Variants in ANKRD13D observed in about 807,000 individuals in gnomAD.
The protein encoded by ANKRD13D is ankyrin repeat domain-containing protein 13D.
ANKRD13D carries 24 observed loss-of-function variants against 68.8 expected under a neutral mutation model. That is an observed-to-expected ratio of 0.35 (90% confidence interval 0.25 to 0.49). ANKRD13D has a LOEUF of 0.49. Ranked by LOEUF, ANKRD13D falls within the 20% of genes least tolerant of loss-of-function variation. ANKRD13D has a pLI of 0.99. For synonymous variants in ANKRD13D, 331 were observed against 336.1 expected (o/e 0.98, Z 0.16); for missense variants, 735 against 832.1 (o/e 0.88, Z 1.44).
rs774356353 is a variant in ANKRD13D at position 67,291,730 on chromosome 11, C to G, written c.525C>G (p.Phe175Leu). Residue 175 changes from phenylalanine (F) to leucine (L), a missense_variant, in exon 5 of 15, where the codon TTC becomes TTG. Transcript: ENST00000511455. ...HMTWQRGRRS[F>L]IFKGQEAGAL... ...CCTGGCAGCGGGGCCGGAGGAGCTTCATCTTCAAGGGCCAGGGTGAGCTCT... is the reference window on the plus strand; with the variant it reads ...CCTGGCAGCGGGGCCGGAGGAGCTTGATCTTCAAGGGCCAGGGTGAGCTCT... 3.1e-6 allele frequency: 5 copies of G among 1,614,018 alleles called. No individual in the cohort carries two copies. Among genetic ancestry groups the G allele is most frequent in the Non-Finnish European group, 3.4e-6 (4 of 1,180,040 alleles).
At chr11:67,297,958 A>C (rs954055332) in intron 6 of ANKRD13D, 2 of 151,710 alleles carry the variant, frequency 1.3e-5, no homozygotes, top group African/African-American at 4.9e-5. Flanking sequence ...TGAATTTCCA[A>C]AGTTTTTTTT....
chr11:67,301,931 C>A lies in ANKRD13D; in HGVS notation c.1604+108C>A. 7.3e-7 allele frequency: 1 copy of A among 1,367,834 alleles called. No homozygotes were observed. The highest frequency in any genetic ancestry group is 9.8e-7 in the Non-Finnish European group (1 of 1,019,830). 84.7% of individuals were successfully genotyped at this position (1,367,834 alleles called of 1,614,324 possible). On this transcript the variant is annotated intron_variant, in intron 14 of 14. Transcript: ENST00000511455. The surrounding 1 kb of genome is among the most constrained non-coding windows in gnomAD (Gnocchi z 4.5). ...ACCCCAGGCCCTCTGCAAGGCCACC[C>A]TCTGTCAGCAGCGCTATCTGCCACC...
At chr11:67,298,628 T>G (rs939277608) in intron 6 of ANKRD13D, 1 of 173,614 alleles carries the variant, frequency 5.8e-6, no homozygotes, top group African/African-American at 2.4e-5. Context: ...AAAGAAGAGA[T>G]AATGTACTTA....
At chr11:67,293,218 T>G (rs763003043) in intron 6 of ANKRD13D, among the ~76,000 whole-genome samples, 1 of 152,228 alleles carries the variant, frequency 6.6e-6, no homozygotes, top group Non-Finnish European at 1.5e-5. Context: ...TAACTCATTG[T>G]TTAATTGACT....
chr11:67,299,462 G>A lies in ANKRD13D; in HGVS notation c.799-68G>A. On this transcript the variant is annotated intron_variant, in intron 7 of 14. Coordinates refer to ENST00000511455, the MANE Select transcript of ANKRD13D (RefSeq NM_207354.3). The surrounding 1 kb of genome is among the most constrained non-coding windows in gnomAD (Gnocchi z 6.2). ...TCTGGGACAGGAGGACCTGGGTTCT[G>A]CACTGGTGAGGCTGAGTGTGGGGAG... 3 of 1,335,032 alleles carry A rather than the reference G, an allele frequency of 2.2e-6. No homozygotes were observed. Among genetic ancestry groups the A allele is most frequent in the Non-Finnish European group, 3.1e-6 (3 of 957,690 alleles). The allele number at this position is 1,335,032 out of a possible 1,614,324, so 82.7% of individuals were successfully genotyped here. A position where few individuals can be genotyped will look rare whatever the true frequency, so the allele number is the denominator to read the frequency against.
intron 6 of ANKRD13D, chr11:67,297,881 T>A (rs933098451): frequency 6.6e-6 from 1 of 152,048 alleles, no homozygotes; most frequent in Non-Finnish European, 1.5e-5. Context: ...TTTTCTGATT[T>A]CTCTTTTGAT....
At chr11:67,292,565 C>T (rs1464573078) in intron 6 of ANKRD13D, among the ~76,000 whole-genome samples, 3 of 151,640 alleles carry the variant, frequency 2.0e-5, no homozygotes, top group Admixed American at 2.0e-4. Context: ...ACCCTTCCAG[C>T]AAGAGTTTCT....
chr11:67,299,415 G>A lies in ANKRD13D; in HGVS notation c.799-115G>A. Reference sequence around the variant, plus strand: ...CAGACCCTGCCACCTCCTCCATTTTGGGGAGCAAGATCTCATCTGTCTCTG... The same window carrying A: ...CAGACCCTGCCACCTCCTCCATTTTAGGGAGCAAGATCTCATCTGTCTCTG... On this transcript the variant is annotated intron_variant, in intron 7 of 14. Coordinates refer to ENST00000511455, the MANE Select transcript of ANKRD13D (RefSeq NM_207354.3). This position sits in a 1 kb window ranked among gnomAD's most constrained non-coding sequence, Gnocchi z 6.2. The A allele has an allele frequency of 1.2e-5, 11 of 921,170 alleles. No homozygotes were observed. The highest frequency in any genetic ancestry group is 1.8e-5 in the Non-Finnish European group (11 of 604,866). The allele number at this position is 921,170 out of a possible 1,614,324, so 57.1% of individuals were successfully genotyped here.
At chr11:67,294,566 A>T (rs1590868043) in intron 6 of ANKRD13D, among the ~76,000 whole-genome samples, 2 of 144,242 alleles carry the variant, frequency 1.4e-5, no homozygotes, top group African/African-American at 5.2e-5. Flanking sequence ...TTTGAGATGG[A>T]GTCTCACTCT....
chr11:67,295,254 A>G (rs1860716756), intron 6 of ANKRD13D, among the ~76,000 whole-genome samples: 1 of 152,038 alleles, frequency 6.6e-6, no homozygotes, highest in Non-Finnish European at 1.5e-5. Flanking sequence ...CATCTGTACT[A>G]AAAATACAAA....
intron 3 of ANKRD13D, chr11:67,290,728 G>A (rs1860500118): frequency 2.5e-6 from 1 of 406,628 alleles, no homozygotes. Flanking sequence ...TTGACTCGGT[G>A]GATTATGGCC....
At position 67,289,353 on chromosome 11, in the gene ANKRD13D, T is replaced by A. The variant is rs1590861307; in HGVS notation, c.-108T>A. ...CCGCCGCCGCCGCCGCCGCTACTGC[T>A]GCGGGGGCCGCGGGGGGCGCAGCTG... is the stretch of plus-strand genomic sequence containing the variant. On this transcript the variant is annotated 5_prime_UTR_variant, in exon 1 of 15. Coordinates refer to ENST00000511455, the MANE Select transcript of ANKRD13D (RefSeq NM_207354.3). The A allele has an allele frequency of 3.9e-6, 3 of 763,280 alleles. No individual in the cohort carries two copies. Among genetic ancestry groups the A allele is most frequent in the Non-Finnish European group, 5.0e-6 (3 of 605,672 alleles). 47.3% of individuals were successfully genotyped at this position (763,280 alleles called of 1,614,324 possible).
Position 67,302,315 on chromosome 11 carries a change from T to G in ANKRD13D, c.1801T>G (p.Ser601Ala), listed in dbSNP as rs760484836. The stretch of plus-strand genomic sequence containing the variant: ...GGACTTACAGCGGATCCTGCAGCTG[T>G]CACTCACTGAGCACTGAGCCATAGC... Reference protein sequence around the residue: ...EEDLQRILQLSLTEH With the variant: ...EEDLQRILQLALTEH Residue 601 changes from serine to alanine, a missense_variant, in exon 15 of 15, where the codon TCA (serine) becomes GCA (alanine). Transcript: ENST00000511455. 1 of 1,543,728 alleles carries G rather than the reference T, an allele frequency of 6.5e-7. No individual in the cohort carries two copies. Among genetic ancestry groups the G allele is most frequent in the Non-Finnish European group, 8.8e-7 (1 of 1,140,900 alleles).
Position 67,300,088 on chromosome 11 carries a change from T to C in ANKRD13D, c.1038T>C (p.Ile346=), listed in dbSNP as rs756117054. ...DPNFSLESRN[I]GRPIEMSSKV... is the part of the protein sequence containing the mutation. ...ACTTCAGCCTGGAGTCACGGAACAT[T>C]GGCCGCCCCATCGAGATGTCCAGCA... The change falls in exon 10 of 15, where the codon ATT becomes ATC. Residue 346 remains isoleucine, a synonymous_variant. Coordinates refer to ENST00000511455, the MANE Select transcript of ANKRD13D (RefSeq NM_207354.3). This position sits in a 1 kb window ranked among gnomAD's most constrained non-coding sequence, Gnocchi z 4.3. The C allele has an allele frequency of 6.2e-7, 1 of 1,614,076 alleles. No homozygotes were observed. The highest frequency in any genetic ancestry group is 8.5e-7 in the Non-Finnish European group (1 of 1,179,970).
intron 3 of ANKRD13D, 67 bp from the exon 4 acceptor site, chr11:67,291,409 G>C: frequency 6.5e-7 from 1 of 1,549,304 alleles, no homozygotes; most frequent in Non-Finnish European, 8.9e-7. Flanking sequence ...CTGTGGACAA[G>C]GGGCTCCCAG....
At chr11:67,290,260 G>T (rs946324526) in intron 2 of ANKRD13D, 47 bp downstream of exon 2, 1 of 1,545,192 alleles carries the variant, frequency 6.5e-7, no homozygotes, top group Non-Finnish European at 8.7e-7. Flanking sequence ...CAGGCGGGGG[G>T]CAGTGAGCAG....
chr11:67,299,987 A>T lies in ANKRD13D; in HGVS notation c.943-6A>T. 1 of 1,611,410 alleles carries T rather than the reference A, an allele frequency of 6.2e-7. No homozygotes were observed. The highest frequency in any genetic ancestry group is 8.5e-7 in the Non-Finnish European group (1 of 1,178,472). On this transcript the variant is annotated splice_region_variant and splice_polypyrimidine_tract_variant and intron_variant, in intron 9 of 14. Coordinates refer to ENST00000511455, the MANE Select transcript of ANKRD13D (RefSeq NM_207354.3). This position sits in a 1 kb window ranked among gnomAD's most constrained non-coding sequence, Gnocchi z 6.2. ...GATGGCTGAGTCCGCCCTGGGACCC[A>T]CGCAGGCCCCCGTGCAGCAGGCAGC...
Position 67,301,118 on chromosome 11 carries a change from G to A in ANKRD13D, c.1202G>A (p.Arg401His), listed in dbSNP as rs1178335058. 5.0e-6 allele frequency: 8 copies of A among 1,613,892 alleles called. No individual in the cohort carries two copies. The Admixed American group carries it at 6.7e-5, about 13-fold the overall frequency. The change falls in exon 11 of 15, where the codon CGC (arginine) becomes CAC (histidine). Residue 401 changes from arginine (R) to histidine (H), a missense_variant. Coordinates refer to ENST00000511455, the MANE Select transcript of ANKRD13D (RefSeq NM_207354.3). The surrounding 1 kb of genome is among the most constrained non-coding windows in gnomAD (Gnocchi z 4.5). ...AAGCTGCGCGACTTCATCACTCTGCGCCTTCCACCTGGCTTCCCCGTCAAA... is the reference window on the plus strand; with the variant it reads ...AAGCTGCGCGACTTCATCACTCTGCACCTTCCACCTGGCTTCCCCGTCAAA... ...FAKLRDFITLRLPPGFPVKIE... is the reference protein window; with the variant it reads ...FAKLRDFITLHLPPGFPVKIE...
intron 1 of ANKRD13D, 173 bp downstream of exon 1, chr11:67,289,723 T>C: frequency 7.3e-7 from 1 of 1,370,088 alleles, no homozygotes; most frequent in Non-Finnish European, 9.5e-7. Context: ...CGCCTGAGCC[T>C]CTGGCCTCCT....
Sources: gnomAD v4.1 joint callset for allele counts (sites outside exome capture counted in the v4.1 genomes callset) on GRCh38, gnomAD v4.1.1 for gene constraint, Gnocchi (gnomAD v3.1) non-coding constraint, MANE v1.5 for transcripts, NCBI Gene and HGNC (gene_info 2026-07-23, HGNC 2026-07-21) for gene names.